Variants in INTS4 observed in about 807,000 individuals in gnomAD.
The protein encoded by INTS4 is integrator complex subunit 4.
Under a neutral mutation model 119.5 loss-of-function variants are expected in INTS4, and 70 were observed. The ratio of observed to expected loss-of-function variants is 0.59; its 90% CI spans 0.48 to 0.71. INTS4 has a LOEUF of 0.71. Among genes scored for constraint, INTS4 ranks in the 30% least tolerant of loss-of-function variants. INTS4 has a pLI of 0.00. For missense variants in INTS4, 867 were observed against 1,173.2 expected, an observed-to-expected ratio of 0.74 and a Z score of 3.81; for synonymous variants, 316 against 419.6, an observed-to-expected ratio of 0.75 and a Z score of 3.02.
rs903141323 is a variant in INTS4, at chr11:77,991,262, G to A, written c.92C>T (p.Thr31Ile). Residue 31 changes from threonine to isoleucine, a missense_variant, in exon 2 of 23, where the codon ACA (threonine) becomes ATA (isoleucine). Thr to Ile is a moderately conservative substitution (Grantham distance 89). Around this residue, in one of 5 missense-constraint regions of INTS4, gnomAD observed 224 missense variants for 231.8 expected, o/e 0.97. Coordinates refer to ENST00000534064, the MANE Select transcript of INTS4 (RefSeq NM_033547.4). ...GAGTGCTGCAGATTTACTTGGTTTT[G>A]TTAGTCGGAGTTTCTTAGTAGCAAT... ...EEIATKKLRL[T>I]KPSKSAALHI... 1.9e-6 allele frequency: 3 copies of A among 1,613,916 alleles called. No individual in the cohort carries two copies. The highest frequency in any genetic ancestry group is 2.5e-6 in the Non-Finnish European group (3 of 1,179,824).
At chr11:77,880,970 C>T (rs1247568129) in intron 22 of INTS4, among the ~76,000 whole-genome samples, 1 of 152,038 alleles carries the variant, frequency 6.6e-6, no homozygotes, top group Admixed American at 6.6e-5. Flanking sequence ...CAAATAAATC[C>T]TGCTAAGGTC....
intron 8 of INTS4, among the ~76,000 whole-genome samples, chr11:77,955,675 T>C (rs1230371457): frequency 6.6e-6 from 1 of 152,148 alleles, no homozygotes; most frequent in Admixed American, 6.5e-5. Context: ...TTTGTATTTT[T>C]AGTAGAGACG....
At chr11:77,939,392 C>T (rs184229668) in intron 9 of INTS4, among the ~76,000 whole-genome samples, 4 of 152,176 alleles carry the variant, frequency 2.6e-5, no homozygotes, top group Admixed American at 6.5e-5. Context: ...TGCAGTGAGC[C>T]GAGATCATGC....
chr11:77,973,608 T>C (rs1855820902), intron 4 of INTS4, among the ~76,000 whole-genome samples: 1 of 152,160 alleles, frequency 6.6e-6, no homozygotes, highest in South Asian at 2.1e-4. Context: ...ATTCCTGACC[T>C]ATTCTATCCT....
intron 2 of INTS4, among the ~76,000 whole-genome samples, chr11:77,985,884 T>C (rs1198093555): frequency 6.6e-6 from 1 of 152,146 alleles, no homozygotes; most frequent in Non-Finnish European, 1.5e-5. Context: ...GAATCAATCA[T>C]GTGAAATAAG....
intron 4 of INTS4, among the ~76,000 whole-genome samples, chr11:77,972,249 C>A (rs568135488): frequency 2.0e-4 from 31 of 152,236 alleles, no homozygotes; most frequent in Non-Finnish European, 3.7e-4. Context: ...CAGGCACACA[C>A]CACCATTCGT....
chr11:77,886,521 C>T (rs582866), intron 21 of INTS4, among the ~76,000 whole-genome samples: 57,608 of 151,734 alleles, frequency 0.38, 11,335 homozygotes, highest in African/African-American at 0.46. Flanking sequence ...CACGGGTAAA[C>T]GGCGGGAGTA....
At chr11:77,981,847 T>C (rs767679581) in intron 2 of INTS4, among the ~76,000 whole-genome samples, 7 of 152,040 alleles carry the variant, frequency 4.6e-5, no homozygotes, top group Non-Finnish European at 8.8e-5. Flanking sequence ...ATGCAACCTC[T>C]GCCGGGGAGA....
At chr11:77,974,223 T>C (rs1222511650) in intron 4 of INTS4, among the ~76,000 whole-genome samples, 2 of 147,892 alleles carry the variant, frequency 1.4e-5, no homozygotes, top group African/African-American at 5.0e-5. Context: ...TTTATTGGTA[T>C]ATAATTTTTC....
chr11:77,972,100 T>C (rs893230120), intron 4 of INTS4, among the ~76,000 whole-genome samples: 9 of 152,152 alleles, frequency 5.9e-5, no homozygotes, highest in African/African-American at 2.2e-4. Flanking sequence ...TTCTTCTCCT[T>C]CTTCTTCTTT....
intron 10 of INTS4, among the ~76,000 whole-genome samples, chr11:77,935,664 G>A (rs1177722596): frequency 6.6e-6 from 1 of 152,048 alleles, no homozygotes; most frequent in Non-Finnish European, 1.5e-5. Flanking sequence ...GGGAGGCCGA[G>A]GTGGCCGGAT....
At chr11:77,936,088 G>C (rs186928295) in intron 10 of INTS4, among the ~76,000 whole-genome samples, 2 of 151,766 alleles carry the variant, frequency 1.3e-5, no homozygotes, top group Admixed American at 1.3e-4. Flanking sequence ...ATAATGTTCA[G>C]TATCCAATAA....
intron 19 of INTS4, among the ~76,000 whole-genome samples, chr11:77,892,594 T>G (rs1952321582): frequency 6.6e-6 from 1 of 152,200 alleles, no homozygotes; most frequent in Non-Finnish European, 1.5e-5. Flanking sequence ...TTTTTAATTT[T>G]CTTTTTGAGA....
intron 10 of INTS4, 113 bp downstream of exon 10, chr11:77,938,538 C>T (rs1953855323): frequency 7.1e-7 from 1 of 1,403,692 alleles, no homozygotes; most frequent in Admixed American, 2.4e-5. Flanking sequence ...GTAAGTACTT[C>T]CCAGAGTTAC....
chr11:77,986,222 AACAG>A (rs1385110395), intron 2 of INTS4, among the ~76,000 whole-genome samples: 2 of 152,244 alleles, frequency 1.3e-5, no homozygotes, highest in African/African-American at 4.8e-5. Context: ...TTATGCAGCC[AACAG>A]ACACATGAAA....
chr11:77,978,845 G>A (rs758613865), intron 4 of INTS4, 151 bp downstream of exon 4: 8 of 515,578 alleles, frequency 1.6e-5, no homozygotes, highest in African/African-American at 3.8e-5. Context: ...AAAGGATGAC[G>A]AAATACACTT....
At chr11:77,950,360 T>TA (rs1468190212) in intron 8 of INTS4, among the ~76,000 whole-genome samples, 1 of 151,202 alleles carries the variant, frequency 6.6e-6, no homozygotes, top group African/African-American at 2.4e-5. Flanking sequence ...GAACTTAAAG[T>TA]ATTAAAAAAA....
intron 11 of INTS4, among the ~76,000 whole-genome samples, chr11:77,926,200 G>T (rs199958485): frequency 6.9e-6 from 1 of 145,348 alleles, no homozygotes; most frequent in Non-Finnish European, 1.5e-5. Context: ...AAAAAAAAAA[G>T]GCAAATTCCA....
At chr11:77,929,651 G>C (rs1953598056) in intron 10 of INTS4, among the ~76,000 whole-genome samples, 1 of 152,126 alleles carries the variant, frequency 6.6e-6, no homozygotes, top group Non-Finnish European at 1.5e-5. Flanking sequence ...GTTGATTGTA[G>C]GCTAAAATCA....
Sources: allele counts gnomAD v4.1 joint callset (sites outside exome capture counted in the v4.1 genomes callset), GRCh38; gene constraint gnomAD v4.1.1; regional missense constraint gnomAD v4.1.1; transcripts MANE v1.5; gene names NCBI Gene and HGNC (gene_info 2026-07-23, HGNC 2026-07-21).